Variants in SLC39A14 observed in about 807,000 individuals in gnomAD.
SLC39A14 encodes metal cation symporter ZIP14.
Under a neutral mutation model 45.5 loss-of-function variants are expected in SLC39A14, and 19 were observed. That is an observed-to-expected ratio of 0.42 (90% CI 0.29 to 0.61). The LOEUF (loss-of-function observed/expected upper bound fraction) is 0.61. SLC39A14 is among the 20% of genes least tolerant of loss of function. SLC39A14 has a pLI of 0.22. For synonymous variants in SLC39A14, 264 were observed against 251.3 expected, an observed-to-expected ratio of 1.05 and a Z score of -0.48; for missense variants, 447 against 616.5, an observed-to-expected ratio of 0.73 and a Z score of 2.91.
intron 4 of SLC39A14, among the ~76,000 whole-genome samples, chr8:22,412,893 G>A (rs1321901901): frequency 6.6e-6 from 1 of 152,154 alleles, no homozygotes; most frequent in Non-Finnish European, 1.5e-5. Context: ...AGCCGAGATT[G>A]CACCACTGCA....
At chr8:22,378,503 G>A (rs974947149) in intron 1 of SLC39A14, among the ~76,000 whole-genome samples, 2 of 152,184 alleles carry the variant, frequency 1.3e-5, no homozygotes, top group Non-Finnish European at 1.5e-5. Flanking sequence ...CTGGCTACCA[G>A]GCAGGGGCCA....
intron 8 of SLC39A14, among the ~76,000 whole-genome samples, chr8:22,430,092 A>C (rs1021082709): frequency 6.6e-6 from 1 of 152,244 alleles, no homozygotes; most frequent in Non-Finnish European, 1.5e-5. Context: ...GTGGGAGCTC[A>C]AAGTTGACAG....
rs1351924556 is a variant in SLC39A14, at chr8:22,367,541, C to G, written c.-16+133C>G. The G allele has an allele frequency of 1.3e-5, 2 of 152,450 alleles. No homozygotes were observed. The highest frequency in any genetic ancestry group is 2.9e-5 in the Non-Finnish European group (2 of 68,270). The allele number at this position is 152,450 out of a possible 1,614,324, so 9.4% of individuals were successfully genotyped here. Reference sequence around the variant, plus strand: ...GGCGCCGCTCCCGGGCACCGGCACACGCCCGGACGGCTGGGTGGAGGCTGC... The same window carrying G: ...GGCGCCGCTCCCGGGCACCGGCACAGGCCCGGACGGCTGGGTGGAGGCTGC... On this transcript the variant is annotated intron_variant, in intron 1 of 8. Coordinates refer to ENST00000381237, the MANE Select transcript of SLC39A14 (RefSeq NM_001128431.4). This position sits in a 1 kb window ranked among gnomAD's most constrained non-coding sequence, Gnocchi z 4.2.
chr8:22,390,109 GT>G, intron 1 of SLC39A14: 1 of 167,220 alleles, frequency 6.0e-6, no homozygotes, highest in Non-Finnish European at 1.3e-5. Context: ...GCCCTTGTTT[GT>G]TTACAGCTAT....
intron 2 of SLC39A14, among the ~76,000 whole-genome samples, chr8:22,406,763 C>T (rs1210254133): frequency 6.6e-6 from 1 of 152,192 alleles, no homozygotes; most frequent in Non-Finnish European, 1.5e-5. Flanking sequence ...ACATCAGATG[C>T]TGAGCCAGAG....
chr8:22,418,857 C>T (rs1428976187), intron 8 of SLC39A14, among the ~76,000 whole-genome samples: 3 of 152,034 alleles, frequency 2.0e-5, no homozygotes, highest in African/African-American at 7.2e-5. Flanking sequence ...AACAAAAAGA[C>T]CTCTTAAAGT....
downstream of SLC39A14, among the ~76,000 whole-genome samples, chr8:22,423,493 G>T (rs555038601): frequency 1.3e-5 from 2 of 151,978 alleles, no homozygotes; most frequent in African/African-American, 2.4e-5. Context: ...CCGCCACCAC[G>T]CCCAGCTAAT....
chr8:22,413,945 G>T (rs1835728491), intron 4 of SLC39A14, among the ~76,000 whole-genome samples: 1 of 151,682 alleles, frequency 6.6e-6, no homozygotes, highest in Admixed American at 6.6e-5. Context: ...GCTAATTTTT[G>T]TATTTTTTTT....
At chr8:22,373,659 A>G (rs1833050260) in intron 1 of SLC39A14, among the ~76,000 whole-genome samples, 1 of 152,142 alleles carries the variant, frequency 6.6e-6, no homozygotes, top group South Asian at 2.1e-4. Flanking sequence ...GTCATATAAG[A>G]CAGTAATTTC....
chr8:22,420,328 G>C lies in SLC39A14; in HGVS notation c.*630G>C, dbSNP rs1226852232. ...GAACCACTGCTGTGTGTCTTGTCAGGATGCTCACTTGTTCCTACTGAGATG... is the reference window on the plus strand; with the variant it reads ...GAACCACTGCTGTGTGTCTTGTCAGCATGCTCACTTGTTCCTACTGAGATG... On this transcript the variant is annotated 3_prime_UTR_variant, in exon 9 of 9. Transcript: ENST00000381237. 5 of 985,390 alleles carry C rather than the reference G, an allele frequency of 5.1e-6. No homozygotes were observed. Among genetic ancestry groups the C allele is most frequent in the Non-Finnish European group, 4.8e-6 (4 of 829,974 alleles). 61.0% of individuals were successfully genotyped at this position (985,390 alleles called of 1,614,324 possible).
chr8:22,415,777 T>G lies in SLC39A14; in HGVS notation c.759T>G (p.His253Gln). 1 of 1,611,160 alleles carries G rather than the reference T, an allele frequency of 6.2e-7. No homozygotes were observed. The highest frequency in any genetic ancestry group is 8.5e-7 in the Non-Finnish European group (1 of 1,179,340). The part of the protein sequence containing the change: ...ILLKQKNEHH[H>Q]GHSHYASESL... Reference sequence around the variant, plus strand: ...CCCTGTCACCCTTCCAGCATCATCATGGACACAGCCATTATGCCTCTGAGT... The same window carrying G: ...CCCTGTCACCCTTCCAGCATCATCAGGGACACAGCCATTATGCCTCTGAGT... The change falls in exon 6 of 9, where the codon CAT becomes CAG. Residue 253 changes from histidine to glutamine, a missense_variant. His to Gln is a conservative substitution (Grantham distance 24). This residue lies in a region of SLC39A14 where 342 missense variants were observed against 428.1 expected (regional missense o/e 0.80). Coordinates refer to ENST00000381237, the MANE Select transcript of SLC39A14 (RefSeq NM_001128431.4).
In SLC39A14 at chr8:22,420,688, C is replaced by T. The variant is rs1340668103; in HGVS notation, c.*990C>T. ...GTAGAAATGGGGTGCCATTTATGCT[C>T]TACTTAGACAAGGGTAATCAGAAAT... On this transcript the variant is annotated 3_prime_UTR_variant, in exon 9 of 9. Transcript: ENST00000381237. 6.1e-6 allele frequency: 6 copies of T among 985,392 alleles called. No homozygotes were observed. The highest frequency in any genetic ancestry group is 7.2e-6 in the Non-Finnish European group (6 of 829,924). The allele number at this position is 985,392 out of a possible 1,614,324, so 61.0% of individuals were successfully genotyped here. A position where few individuals can be genotyped will look rare whatever the true frequency, so the allele number is the denominator to read the frequency against.
At chr8:22,410,977 A>G (rs1009032645) in intron 3 of SLC39A14, among the ~76,000 whole-genome samples, 4 of 152,192 alleles carry the variant, frequency 2.6e-5, no homozygotes, top group Admixed American at 1.3e-4. Flanking sequence ...CAAAAGACTC[A>G]CCCAGAAAAG....
chr8:22,399,357 A>T (rs1834716705), intron 1 of SLC39A14, among the ~76,000 whole-genome samples: 1 of 152,254 alleles, frequency 6.6e-6, no homozygotes, highest in African/African-American at 2.4e-5. Flanking sequence ...TAAAAAGAAG[A>T]CAAGACTCCA....
intron 6 of SLC39A14, 55 bp downstream of exon 6, chr8:22,416,012 C>T: frequency 6.2e-7 from 1 of 1,606,488 alleles, no homozygotes. Context: ...CTCAGGCTTA[C>T]CTTGAGGGCA....
At chr8:22,391,569 TC>T (rs1331365113) in intron 1 of SLC39A14, among the ~76,000 whole-genome samples, 1 of 151,688 alleles carries the variant, frequency 6.6e-6, no homozygotes, top group Non-Finnish European at 1.5e-5. Context: ...AGCTCCCTGT[TC>T]TTTTTTTTTT....
chr8:22,418,637 T>G (rs1046587539), intron 8 of SLC39A14, among the ~76,000 whole-genome samples: 6 of 151,926 alleles, frequency 3.9e-5, no homozygotes, highest in Admixed American at 3.9e-4. Context: ...GCTTAAGTGA[T>G]CCTCCTCCCT....
At chr8:22,426,676 ATG>A (rs2132398840), downstream of SLC39A14, among the ~76,000 whole-genome samples, 1 of 152,100 alleles carries the variant, frequency 6.6e-6, no homozygotes, top group East Asian at 2.0e-4. Flanking sequence ...GTAATTCTAA[ATG>A]ATATGCTCTC....
chr8:22,411,814 A>C (rs762842025), intron 3 of SLC39A14: 17 of 532,302 alleles, frequency 3.2e-5, no homozygotes, highest in Non-Finnish European at 2.7e-5. Flanking sequence ...ATTGAAGGAA[A>C]TTTCATCAGA....
Sources: allele counts gnomAD v4.1 joint callset (sites outside exome capture counted in the v4.1 genomes callset), GRCh38; gene constraint gnomAD v4.1.1; regional missense constraint gnomAD v4.1.1; non-coding constraint Gnocchi (gnomAD v3.1); transcripts MANE v1.5; gene names NCBI Gene and HGNC (gene_info 2026-07-23, HGNC 2026-07-21).